The following CFAP298 variants were observed in gnomAD, a reference collection of about 807,000 sequenced individuals.
CFAP298 encodes cilia- and flagella-associated protein 298.
A neutral mutation model predicts 41.0 loss-of-function variants in CFAP298; 38 were observed. The observed-to-expected ratio is 0.93, with a 90% CI of 0.72 to 1.22. The LOEUF (loss-of-function observed/expected upper bound fraction) is 1.22. Among genes scored for constraint, CFAP298 ranks in the 50% most tolerant of loss-of-function variants. The pLI, the probability that CFAP298 is intolerant of heterozygous loss-of-function variation, is 0.00. For synonymous variants in CFAP298, 137 were observed against 135.3 expected, an observed-to-expected ratio of 1.01 and a Z score of -0.09; for missense variants, 348 against 360.3, an observed-to-expected ratio of 0.97 and a Z score of 0.28.
intron 5 of CFAP298, chr21:32,602,668 TG>T: frequency 7.9e-7 from 1 of 1,259,454 alleles, no homozygotes; most frequent in Non-Finnish European, 1.0e-6. Context: ...CCACGGACTC[TG>T]GATCTACATA....
Position 32,601,780 on chromosome 21 carries a change from T to A in CFAP298, c.*83A>T. 1 of 742,672 alleles carries A rather than the reference T, an allele frequency of 1.3e-6. No homozygotes were observed. Among genetic ancestry groups the A allele is most frequent in the Non-Finnish European group, 2.3e-6 (1 of 432,910 alleles). 46.0% of individuals were successfully genotyped at this position (742,672 alleles called of 1,614,324 possible). On this transcript the variant is annotated 3_prime_UTR_variant, in exon 7 of 7. Transcript: ENST00000290155. ...AACATCTTTTACAGAGGGCAGTAAG[T>A]GGCCTTTTTTTTTTTTTTAAATTAT...
rs1458193491 is a variant in CFAP298 at position 32,600,724 on chromosome 21, TC to T, written c.*1138del. On this transcript the variant is annotated 3_prime_UTR_variant, in exon 7 of 7. Transcript: ENST00000290155. Reference sequence around the variant, plus strand: ...GTTAGGATGATAGTGATCCCATCCATCCCGTGGTTGGTCACTGAGCTGCGTA... The same window carrying T: ...GTTAGGATGATAGTGATCCCATCCATCCGTGGTTGGTCACTGAGCTGCGTA... 1.3e-5 allele frequency among the ~76,000 whole-genome samples: 2 copies of T among 152,180 alleles called. No homozygotes were observed. The highest frequency in any genetic ancestry group is 2.9e-5 in the Non-Finnish European group (2 of 68,040).
In CFAP298 at chr21:32,610,197, C is replaced by T. The variant is rs568864928; in HGVS notation, c.140-192G>A. 1.8e-4 allele frequency among the ~76,000 whole-genome samples: 27 copies of T among 151,770 alleles called. 1 individual carries two copies. The highest frequency in any genetic ancestry group is 8.5e-4 in the Admixed American group (13 of 15,294). ...GGGCATGGTACTGGTCTTATTCATCCTTGTCTTTTTTTTCTTTGAGACAGG... is the reference window on the plus strand; with the variant it reads ...GGGCATGGTACTGGTCTTATTCATCTTTGTCTTTTTTTTCTTTGAGACAGG... On this transcript the variant is annotated intron_variant, in intron 1 of 6. Transcript: ENST00000290155.
In CFAP298 at chr21:32,600,012, A is replaced by G. The variant is rs1217497409; in HGVS notation, c.*1851T>C. Among the ~76,000 whole-genome samples, 2 of 152,194 alleles carry G rather than the reference A, an allele frequency of 1.3e-5. No homozygotes were observed. Among genetic ancestry groups the G allele is most frequent in the Non-Finnish European group, 2.9e-5 (2 of 68,032 alleles). On this transcript the variant is annotated 3_prime_UTR_variant, in exon 7 of 7. Transcript: ENST00000290155. ...GCAGGCTCAGTAAGACTTTCTAATG[A>G]TATTGAAGTAGTAGTTCCCTGAAAA...
In CFAP298 at chr21:32,604,067, T is replaced by G. The variant is rs573444875; in HGVS notation, c.534+58A>C. On this transcript the variant is annotated intron_variant, in intron 4 of 6. Coordinates refer to ENST00000290155, the MANE Select transcript of CFAP298 (RefSeq NM_021254.4). ...CATCCAGAAGAGGGGCATCAAATCTTAAGGGCTTTGGGGGCCAGGAACTCA... is the reference window on the plus strand; with the variant it reads ...CATCCAGAAGAGGGGCATCAAATCTGAAGGGCTTTGGGGGCCAGGAACTCA... The G allele has an allele frequency of 8.4e-6, 13 of 1,553,776 alleles. No homozygotes were observed. In the East Asian group the frequency reaches 2.7e-4, roughly 32 times the overall value.
rs1222359244 is a variant in CFAP298, at chr21:32,603,171, T to C, written c.656A>G (p.Lys219Arg). The C allele has an allele frequency of 3.7e-6, 6 of 1,614,126 alleles. No homozygotes were observed. The highest frequency in any genetic ancestry group is 5.1e-6 in the Non-Finnish European group (6 of 1,180,042). Residue 219 changes from lysine (K) to arginine (R), a missense_variant, in exon 5 of 7, where the codon AAG becomes AGG. Physicochemically the swap from Lys to Arg is conservative, Grantham distance 26 (BLOSUM62 2). Coordinates refer to ENST00000290155, the MANE Select transcript of CFAP298 (RefSeq NM_021254.4). ...GCAAAAAGTACTTACTTGCTGAATC[T>C]TGGCGATAATTTTGGTTTTTTCATT... ...GKNEKTKIIA[K>R]IQQRGQGAPA...
chr21:32,602,309 A>T lies in CFAP298; in HGVS notation c.725T>A (p.Leu242Gln). The T allele has an allele frequency of 1.9e-6, 3 of 1,614,082 alleles. No homozygotes were observed. Among genetic ancestry groups the T allele is most frequent in the Non-Finnish European group, 2.5e-6 (3 of 1,180,042 alleles). ...TTGTCTTCTGTGATAGTACAGCATC[A>T]GCTGCTTCTGCTCCTCACTGCTAAT... Reference protein sequence around the residue: ...PIISSEEQKQLMLYYHRRQEE... With the variant: ...PIISSEEQKQQMLYYHRRQEE... The change falls in exon 6 of 7, where the codon CTG becomes CAG. Residue 242 changes from leucine to glutamine, a missense_variant. Transcript: ENST00000290155.
chr21:32,611,341 T>TACATATATATA (rs1491095261), intron 1 of CFAP298, among the ~76,000 whole-genome samples: 1 of 118,454 alleles, frequency 8.4e-6, no homozygotes, highest in Admixed American at 8.0e-5. Flanking sequence ...ATATATATAA[T>TACATATATATA]TTATTTATAT....
chr21:32,607,836 G>C (rs1401941983), intron 2 of CFAP298, 120 bp from the exon 3 acceptor site: 2 of 614,388 alleles, frequency 3.3e-6, no homozygotes. Context: ...GTGCGAGTGT[G>C]GAATTTAGGG....
chr21:32,602,626 C>A (rs1037220149), intron 5 of CFAP298: 1 of 1,304,102 alleles, frequency 7.7e-7, no homozygotes, highest in African/African-American at 1.5e-5. Context: ...ACACTGCAGG[C>A]AGGTCCAGTG....
intron 1 of CFAP298, among the ~76,000 whole-genome samples, chr21:32,611,341 T>TATATATA (rs1491095261): frequency 0.014 from 1,705 of 118,216 alleles, 47 homozygotes; most frequent in Non-Finnish European, 0.021. Context: ...ATATATATAA[T>TATATATA]TTATTTATAT....
Position 32,610,110 on chromosome 21 carries a change from A to G in CFAP298, c.140-105T>C, listed in dbSNP as rs112319532. On this transcript the variant is annotated intron_variant, in intron 1 of 6. Coordinates refer to ENST00000290155, the MANE Select transcript of CFAP298 (RefSeq NM_021254.4). ...TCTTGCCCATCTGGCTCACTATTTT[A>G]TGGAACAAACATTTATATGCCACTT... 2.3e-4 allele frequency: 245 copies of G among 1,043,820 alleles called. No individual in the cohort carries two copies. In the African/African-American group the frequency reaches 3.1e-3, roughly 13 times the overall value. The allele number at this position is 1,043,820 out of a possible 1,614,324, so 64.7% of individuals were successfully genotyped here.
chr21:32,600,886 T>G lies in CFAP298; in HGVS notation c.*977A>C, dbSNP rs946241705. Among the ~76,000 whole-genome samples, 5 of 152,218 alleles carry G rather than the reference T, an allele frequency of 3.3e-5. No individual in the cohort carries two copies. Among genetic ancestry groups the G allele is most frequent in the Admixed American group, 6.5e-5 (1 of 15,286 alleles). On this transcript the variant is annotated 3_prime_UTR_variant, in exon 7 of 7. Transcript: ENST00000290155. ...GAGAAACTCCAGAAGAATTTAAGTT[T>G]CAAAGTCAGATGAGTTTGCTACTCA...
intron 1 of CFAP298, among the ~76,000 whole-genome samples, chr21:32,611,340 A>ATATATATATATATATATATATATATAT (rs1568998505): frequency 1.9e-5 from 2 of 103,814 alleles, no homozygotes; most frequent in African/African-American, 5.7e-5. Flanking sequence ...TATATATATA[A>ATATATATATATATATATATATATATAT]TTTATTTATA....
chr21:32,603,672 G>A lies in CFAP298; in HGVS notation c.535-380C>T, dbSNP rs182717822. Among the ~76,000 whole-genome samples the A allele has an allele frequency of 5.9e-5, 9 of 152,268 alleles. No individual in the cohort carries two copies. In the East Asian group the frequency reaches 1.2e-3, roughly 20 times the overall value. ...CTGCATATTTCATTTATTTAACATG[G>A]CTTAGACAAAGAATATTGTCCAATA... is the stretch of plus-strand genomic sequence containing the variant. On this transcript the variant is annotated intron_variant, in intron 4 of 6. Coordinates refer to ENST00000290155, the MANE Select transcript of CFAP298 (RefSeq NM_021254.4).
chr21:32,611,797 T>C (rs992040219), intron 1 of CFAP298, among the ~76,000 whole-genome samples: 2 of 152,166 alleles, frequency 1.3e-5, no homozygotes, highest in Non-Finnish European at 2.9e-5. Context: ...GCACTAAGTC[T>C]GCTGTTCAGC....
Position 32,603,304 on chromosome 21 carries a change from C to G in CFAP298, c.535-12G>C. On this transcript the variant is annotated splice_polypyrimidine_tract_variant and intron_variant, in intron 4 of 6. Coordinates refer to ENST00000290155, the MANE Select transcript of CFAP298 (RefSeq NM_021254.4). ...ACGTTGAGCCCTGCCTGGGGCCAGT[C>G]GTAAGAATGGCTTGACTGTGTGTTC... The G allele has an allele frequency of 6.2e-7, 1 of 1,613,760 alleles. No homozygotes were observed. Among genetic ancestry groups the G allele is most frequent in the Non-Finnish European group, 8.5e-7 (1 of 1,179,956 alleles).
At chr21:32,602,060 C>T (rs1296903537) in intron 6 of CFAP298, 87 bp from the exon 7 acceptor site, 1 of 923,108 alleles carries the variant, frequency 1.1e-6, no homozygotes, top group African/African-American at 1.6e-5. Context: ...CATGACTGAC[C>T]TCCCCCTCTC....
At position 32,601,764 on chromosome 21, in the gene CFAP298, T is replaced by C. The variant is rs2038743758; in HGVS notation, c.*99A>G. 1.5e-6 allele frequency: 1 copy of C among 650,654 alleles called. No homozygotes were observed. The highest frequency in any genetic ancestry group is 2.7e-6 in the Non-Finnish European group (1 of 366,858). The allele number at this position is 650,654 out of a possible 1,614,324, so 40.3% of individuals were successfully genotyped here. ...GAAAACTAGAAATGTTAACATCTTTTACAGAGGGCAGTAAGTGGCCTTTTT... is the reference window on the plus strand; with the variant it reads ...GAAAACTAGAAATGTTAACATCTTTCACAGAGGGCAGTAAGTGGCCTTTTT... On this transcript the variant is annotated 3_prime_UTR_variant, in exon 7 of 7. Transcript: ENST00000290155.
Sources: allele counts gnomAD v4.1 joint callset (sites outside exome capture counted in the v4.1 genomes callset), GRCh38; gene constraint gnomAD v4.1.1; transcripts MANE v1.5; gene names NCBI Gene and HGNC (gene_info 2026-07-23, HGNC 2026-07-21).